Variants in CNTN6 observed in about 807,000 individuals in gnomAD.
CNTN6 encodes contactin-6.
CNTN6 carries 137 observed loss-of-function variants against 122.8 expected under a neutral mutation model. The observed-to-expected ratio is 1.12, with a 90% CI of 0.97 to 1.29. CNTN6 has a LOEUF of 1.29. CNTN6 is among the 50% of genes most tolerant of loss of function. The pLI is 0.00. For missense variants in CNTN6, 1,634 were observed against 1,223.4 expected (o/e 1.34, Z -5.01); for synonymous variants, 570 against 426.0 (o/e 1.34, Z -4.16).
chr3:1,286,966 G>C (rs997042198), intron 5 of CNTN6, among the ~76,000 whole-genome samples: 1 of 152,138 alleles, frequency 6.6e-6, no homozygotes, highest in Admixed American at 6.5e-5. Context: ...GATCAAAAGA[G>C]ACAAAGAAGG....
intron 1 of CNTN6, among the ~76,000 whole-genome samples, chr3:1,136,554 T>C (rs1186194313): frequency 6.6e-6 from 1 of 152,178 alleles, no homozygotes; most frequent in Non-Finnish European, 1.5e-5. Flanking sequence ...TTTTGCATAT[T>C]ATTTAGCTGC....
intron 5 of CNTN6, among the ~76,000 whole-genome samples, chr3:1,281,464 C>CTTT (rs4065407): frequency 7.3e-6 from 1 of 136,990 alleles, no homozygotes; most frequent in Non-Finnish European, 1.6e-5. Flanking sequence ...TAAAAGTTGA[C>CTTT]TTTTTTTTTT....
intron 3 of CNTN6, among the ~76,000 whole-genome samples, chr3:1,221,622 A>C (rs1008998726): frequency 2.0e-5 from 3 of 152,150 alleles, no homozygotes; most frequent in Admixed American, 1.3e-4. Context: ...AGGGTCAGTA[A>C]GTTTTTGTTC....
intron 2 of CNTN6, among the ~76,000 whole-genome samples, chr3:1,159,398 G>C (rs181034527): frequency 1.3e-5 from 2 of 152,112 alleles, no homozygotes; most frequent in African/African-American, 4.8e-5. Context: ...GATGGTGTGG[G>C]ATGACTGGAG....
intron 2 of CNTN6, among the ~76,000 whole-genome samples, chr3:1,178,132 C>T (rs189029417): frequency 3.9e-4 from 60 of 152,106 alleles, no homozygotes; most frequent in African/African-American, 1.3e-3. Flanking sequence ...AACTCCTAAC[C>T]TCAAATGATC....
chr3:1,141,339 C>A (rs1474351818), intron 1 of CNTN6, among the ~76,000 whole-genome samples: 1 of 152,156 alleles, frequency 6.6e-6, no homozygotes. Flanking sequence ...CTATGAAATC[C>A]TTTAGTATCA....
intron 1 of CNTN6, among the ~76,000 whole-genome samples, chr3:1,116,948 A>G (rs2091746511): frequency 6.6e-6 from 1 of 151,324 alleles, no homozygotes; most frequent in South Asian, 2.1e-4. Flanking sequence ...CAAGTGATCC[A>G]CCTCCCTCAG....
chr3:1,134,898 A>G (rs995448122), intron 1 of CNTN6, among the ~76,000 whole-genome samples: 4 of 152,110 alleles, frequency 2.6e-5, no homozygotes, highest in African/African-American at 9.7e-5. Context: ...AATCTTAGAT[A>G]ATATTTTAGT....
intron 2 of CNTN6, among the ~76,000 whole-genome samples, chr3:1,169,430 G>C (rs1289335974): frequency 6.6e-6 from 1 of 152,160 alleles, no homozygotes. Flanking sequence ...CTCAATGCTT[G>C]TGAGATGATC....
Position 1,383,166 on chromosome 3 carries a change from T to A in CNTN6, c.2391T>A (p.Ser797=), listed in dbSNP as rs2291100. Residue 797 remains serine (S), a synonymous_variant, in exon 18 of 23, where the codon TCT becomes TCA. Coordinates refer to ENST00000446702, the MANE Select transcript of CNTN6 (RefSeq NM_001289080.2). ...TGAGTACTGTGACCATTGTCTACTC[T>A]GGGGAAGATGGTAAGTTGTCCTCAA... ...GSLSTVTIVY[S]GEDEPQLAPR... 2.0e-4 allele frequency: 323 copies of A among 1,612,450 alleles called. No individual in the cohort carries two copies. The highest frequency in any genetic ancestry group is 2.6e-4 in the Non-Finnish European group (308 of 1,178,758).
At chr3:1,194,315 C>T (rs939894278) in intron 2 of CNTN6, among the ~76,000 whole-genome samples, 1 of 152,094 alleles carries the variant, frequency 6.6e-6, no homozygotes, top group African/African-American at 2.4e-5. Context: ...CTGTACAGGG[C>T]ATCATGTTCT....
chr3:1,099,771 A>T (rs2090778911), intron 1 of CNTN6, among the ~76,000 whole-genome samples: 1 of 152,274 alleles, frequency 6.6e-6, no homozygotes. Context: ...CTTATTTCTT[A>T]CTTCTTACTT....
chr3:1,229,750 G>A (rs1251157416), intron 4 of CNTN6, among the ~76,000 whole-genome samples: 1 of 151,992 alleles, frequency 6.6e-6, no homozygotes, highest in African/African-American at 2.4e-5. Context: ...TGGCTAAATG[G>A]GACAAATCAA....
intron 1 of CNTN6, among the ~76,000 whole-genome samples, chr3:1,097,750 A>G (rs2090609289): frequency 1.3e-5 from 2 of 152,328 alleles, no homozygotes; most frequent in South Asian, 2.1e-4. Flanking sequence ...CTTGGAAGAA[A>G]GCCTGGCAAT....
chr3:1,320,487 T>A (rs942347994), intron 7 of CNTN6, among the ~76,000 whole-genome samples: 1 of 151,758 alleles, frequency 6.6e-6, no homozygotes, highest in Non-Finnish European at 1.5e-5. Context: ...ACTTTGCATG[T>A]AGTTGGATGA....
At chr3:1,379,437 G>C (rs1388404011) in intron 17 of CNTN6, among the ~76,000 whole-genome samples, 1 of 152,076 alleles carries the variant, frequency 6.6e-6, no homozygotes, top group Non-Finnish European at 1.5e-5. Context: ...GAGGAAGGGC[G>C]AGGGTTGAAA....
At chr3:1,390,658 G>A (rs561430946) in intron 20 of CNTN6, among the ~76,000 whole-genome samples, 4,145 of 152,088 alleles carry the variant, frequency 0.027, 69 homozygotes, top group South Asian at 0.054. Context: ...TTGATAGACC[G>A]CTAGCAAGAC....
Position 1,234,955 on chromosome 3 carries a change from C to T in CNTN6, c.358+6962C>T, listed in dbSNP as rs562840707. ...TAAACAAATAGACTGTAAGCAGTTGCGTGGTTAAATTATAGCAAGCCACTG... is the reference window on the plus strand; with the variant it reads ...TAAACAAATAGACTGTAAGCAGTTGTGTGGTTAAATTATAGCAAGCCACTG... On this transcript the variant is annotated intron_variant, in intron 4 of 22. Coordinates refer to ENST00000446702, the MANE Select transcript of CNTN6 (RefSeq NM_001289080.2). Among the ~76,000 whole-genome samples, 90 of 152,174 alleles carry T rather than the reference C, an allele frequency of 5.9e-4. 1 individual carries two copies. The East Asian group carries it at 0.01, about 17-fold the overall frequency.
intron 17 of CNTN6, among the ~76,000 whole-genome samples, chr3:1,380,776 C>G (rs567725510): frequency 3.9e-5 from 6 of 152,246 alleles, no homozygotes; most frequent in South Asian, 2.1e-4. Flanking sequence ...CCAGATGTGG[C>G]TAGAAGTACA....
Sources: gnomAD v4.1 joint callset for allele counts (sites outside exome capture counted in the v4.1 genomes callset) on GRCh38, gnomAD v4.1.1 for gene constraint, MANE v1.5 for transcripts, NCBI Gene and HGNC (gene_info 2026-07-23, HGNC 2026-07-21) for gene names.